The following RUFY1 variants were observed in gnomAD, a reference collection of about 807,000 sequenced individuals.
RUFY1 encodes RUN and FYVE domain containing 1, also known as RUN and FYVE domain-containing protein 1.
Under a neutral mutation model 94.6 loss-of-function variants are expected in RUFY1, and 54 were observed. The ratio of observed to expected loss-of-function variants is 0.57; its 90% CI spans 0.46 to 0.72. The LOEUF (loss-of-function observed/expected upper bound fraction) is 0.72, where lower values mean the gene tolerates loss of function less well. RUFY1 is among the 30% of genes least tolerant of loss of function. The probability of loss-of-function intolerance (pLI) is 0.00; values close to 1 mark genes in which losing one functional copy is unlikely to be tolerated. For synonymous variants in RUFY1, 396 were observed against 347.3 expected, an observed-to-expected ratio of 1.14 and a Z score of -1.56; for missense variants, 883 against 883.9, an observed-to-expected ratio of 1.00 and a Z score of 0.01.
intron 3 of RUFY1, among the ~76,000 whole-genome samples, chr5:179,567,113 A>T (rs1280244945): frequency 4.6e-5 from 7 of 152,186 alleles, no homozygotes; most frequent in Non-Finnish European, 1.0e-4. Context: ...CCCCTTAGAG[A>T]TTTTATAAGC....
intron 14 of RUFY1, 141 bp downstream of exon 14, chr5:179,598,962 C>T: frequency 1.2e-6 from 1 of 850,946 alleles, no homozygotes; most frequent in Non-Finnish European, 1.9e-6. Flanking sequence ...TAGGGAGCTC[C>T]TGTTTTAGGA....
chr5:179,579,433 C>A (rs569233429), intron 6 of RUFY1, among the ~76,000 whole-genome samples: 10 of 152,006 alleles, frequency 6.6e-5, no homozygotes, highest in Non-Finnish European at 1.5e-4. Flanking sequence ...CAGGTTCAAG[C>A]AATTCTCCTG....
intron 14 of RUFY1, 85 bp downstream of exon 14, chr5:179,598,906 A>G (rs1254416794): frequency 6.6e-7 from 1 of 1,517,274 alleles, no homozygotes; most frequent in Non-Finnish European, 9.0e-7. Flanking sequence ...CTCTCCCCGC[A>G]CCCTTTGTGT....
chr5:179,593,205 G>A (rs1485467834), intron 10 of RUFY1, among the ~76,000 whole-genome samples: 1 of 152,202 alleles, frequency 6.6e-6, no homozygotes, highest in East Asian at 1.9e-4. Context: ...CCTCCTGAGA[G>A]TAGCTGGGAT....
chr5:179,574,857 C>T (rs1447038260), intron 5 of RUFY1, among the ~76,000 whole-genome samples: 3 of 152,004 alleles, frequency 2.0e-5, no homozygotes, highest in African/African-American at 7.3e-5. Flanking sequence ...CTTTCTAATC[C>T]ATTGATTTTT....
intron 12 of RUFY1, 137 bp from the exon 13 acceptor site, chr5:179,596,425 C>A: frequency 1.8e-6 from 2 of 1,086,630 alleles, no homozygotes. Flanking sequence ...TGTGGTGGAG[C>A]TGAATCTCCA....
chr5:179,598,066 T>C (rs930309982), intron 13 of RUFY1, among the ~76,000 whole-genome samples: 1 of 152,254 alleles, frequency 6.6e-6, no homozygotes, highest in East Asian at 1.9e-4. Flanking sequence ...GGCGTGTGCC[T>C]GTAATCCCAG....
chr5:179,587,896 CACACACCTGT>C (rs1764741057), intron 8 of RUFY1, among the ~76,000 whole-genome samples: 1 of 151,988 alleles, frequency 6.6e-6, no homozygotes, highest in Non-Finnish European at 1.5e-5. Context: ...GCTGTGGTGA[CACACACCTGT>C]ACTCCCAGCT....
At position 179,609,618 on chromosome 5, in the gene RUFY1, A is replaced by G; in HGVS notation, c.*99A>G. 2 of 1,248,978 alleles carry G rather than the reference A, an allele frequency of 1.6e-6. No homozygotes were observed. The highest frequency in any genetic ancestry group is 1.6e-5 in the South Asian group (1 of 61,894). 77.4% of individuals were successfully genotyped at this position (1,248,978 alleles called of 1,614,324 possible). A position where few individuals can be genotyped will look rare whatever the true frequency, so the allele number is the denominator to read the frequency against. On this transcript the variant is annotated 3_prime_UTR_variant, in exon 18 of 18. Transcript: ENST00000319449. The stretch of plus-strand genomic sequence containing the variant: ...TTCTTTCCCAAGAGTATCAAAGGAA[A>G]GAATCAAATTTCTTGCCCGGTCACT...
intron 15 of RUFY1, 43 bp from the exon 16 acceptor site, chr5:179,605,833 A>G: frequency 2.6e-4 from 305 of 1,158,372 alleles, no homozygotes; most frequent in Non-Finnish European, 3.5e-4. Flanking sequence ...TCAGAGCCTC[A>G]CTCTCTCTCA....
chr5:179,589,225 G>A, intron 8 of RUFY1: 1 of 316,302 alleles, frequency 3.2e-6, no homozygotes, highest in Non-Finnish European at 6.0e-6. Flanking sequence ...TTCCCTAATA[G>A]TGAACATTCA....
intron 7 of RUFY1, among the ~76,000 whole-genome samples, chr5:179,581,582 C>T (rs76900069): frequency 0.031 from 4,695 of 151,400 alleles, 93 homozygotes; most frequent in Non-Finnish European, 0.047. Context: ...CATTACAGTT[C>T]TCCACAGTGG....
intron 17 of RUFY1, chr5:179,608,263 TTC>T (rs1562128284): frequency 1.0e-6 from 1 of 987,284 alleles, no homozygotes; most frequent in Non-Finnish European, 1.2e-6. Flanking sequence ...CACAGCCATG[TTC>T]TGTCTGTTCC....
chr5:179,574,718 C>T (rs1442500859), intron 5 of RUFY1, among the ~76,000 whole-genome samples: 1 of 152,174 alleles, frequency 6.6e-6, no homozygotes, highest in Non-Finnish European at 1.5e-5. Context: ...AAAAATCTCA[C>T]TGTTCTCATT....
In RUFY1 at chr5:179,589,662, T is replaced by C. The variant is rs776215455; in HGVS notation, c.1128+15T>C. ...AGAGTGTAGAGGTGAGAAATTGACC[T>C]ACATTTGGGCAGCATGTTTCTCACT... is the stretch of plus-strand genomic sequence containing the variant. On this transcript the variant is annotated intron_variant, in intron 9 of 17. Transcript: ENST00000319449. 55 of 1,551,076 alleles carry C rather than the reference T, an allele frequency of 3.5e-5. No homozygotes were observed. Among genetic ancestry groups the C allele is most frequent in the Admixed American group, 2.2e-4 (13 of 59,864 alleles).
At chr5:179,559,884 C>T in intron 1 of RUFY1, 141 bp from the exon 2 acceptor site, 2 of 1,427,548 alleles carry the variant, frequency 1.4e-6, no homozygotes, top group African/African-American at 2.9e-5. Flanking sequence ...CCTGCGAATC[C>T]CGGTTGCCCG....
intron 6 of RUFY1, 83 bp from the exon 7 acceptor site, chr5:179,580,864 G>C (rs553478780): frequency 8.6e-5 from 64 of 748,108 alleles, no homozygotes; most frequent in Middle Eastern, 3.3e-4. Context: ...ACTTCTACAA[G>C]GTGATTGGAA....
chr5:179,604,626 C>T (rs1463655435), intron 15 of RUFY1, among the ~76,000 whole-genome samples: 1 of 152,140 alleles, frequency 6.6e-6, no homozygotes, highest in Non-Finnish European at 1.5e-5. Flanking sequence ...AGAGACCTGC[C>T]ATTTTGTCAC....
rs1171255240 is a variant in RUFY1, at chr5:179,550,870, GC to G, written c.302del (p.Ala101GlyfsTer9). The stretch of plus-strand genomic sequence containing the variant: ...CGGCGGGGACAGCGGGGACGGCACG[GC>G]GCGCGCAGGTAGGCTCGGGCCGGGT... ...LGGGDSGDGT[A>X]RAASKCQMME... On this transcript the variant is annotated frameshift_variant, in exon 1 of 18. Coordinates refer to ENST00000319449, the MANE Select transcript of RUFY1 (RefSeq NM_025158.5). LOFTEE classifies it high-confidence loss of function. 1 of 1,173,600 alleles carries G rather than the reference GC, an allele frequency of 8.5e-7. No homozygotes were observed. The highest frequency in any genetic ancestry group is 1.0e-6 in the Non-Finnish European group (1 of 953,416). The allele number at this position is 1,173,600 out of a possible 1,614,324, so 72.7% of individuals were successfully genotyped here.
Sources: gnomAD v4.1 joint callset for allele counts (sites outside exome capture counted in the v4.1 genomes callset) on GRCh38, gnomAD v4.1.1 for gene constraint, MANE v1.5 for transcripts, NCBI Gene and HGNC (gene_info 2026-07-23, HGNC 2026-07-21) for gene names.